The following RERE variants were observed in gnomAD, a reference collection of about 807,000 sequenced individuals.
RERE encodes arginine-glutamic acid dipeptide repeats protein.
RERE carries 40 observed loss-of-function variants against 146.1 expected under a neutral mutation model. That is an observed-to-expected ratio of 0.27 (90% CI 0.21 to 0.36). RERE has a LOEUF of 0.36. Among genes scored for constraint, RERE ranks in the 10% least tolerant of loss-of-function variants. The pLI is 1.00. For synonymous variants in RERE, 1,003 were observed against 866.0 expected (o/e 1.16, Z -2.78); for missense variants, 1,933 against 2,138.7 (o/e 0.90, Z 1.90).
chr1:8,607,534 CTTTTTTTTTTTTTT>C lies in RERE; in HGVS notation c.522+7013_522+7026del, dbSNP rs1167501074. Reference sequence around the variant, plus strand: ...CGCATATTTGTTTTTATATATATTTCTTTTTTTTTTTTTTTTTTTTTTTTTTTTTGAGACGGAGT... The same window carrying C: ...CGCATATTTGTTTTTATATATATTTCTTTTTTTTTTTTTTTGAGACGGAGT... On this transcript the variant is annotated intron_variant, in intron 4 of 22. Transcript: ENST00000400908. Among the ~76,000 whole-genome samples the C allele has an allele frequency of 2.3e-3, 111 of 48,588 alleles. 7 individuals are homozygous for C. The East Asian group carries it at 0.084, about 37-fold the overall frequency. 31.9% of individuals were successfully genotyped at this position (48,588 alleles called of 152,430 possible). A position where few individuals can be genotyped will look rare whatever the true frequency, so the allele number is the denominator to read the frequency against.
chr1:8,656,044 C>A lies in RERE; in HGVS notation c.254G>T (p.Arg85Leu), dbSNP rs756301012. 2 of 1,614,100 alleles carry A rather than the reference C, an allele frequency of 1.2e-6. No homozygotes were observed. Among genetic ancestry groups the A allele is most frequent in the Non-Finnish European group, 1.7e-6 (2 of 1,180,008 alleles). Reference sequence around the variant, plus strand: ...CTCACCGGTATCTGTCCTTTCATAACGAGACTTTTTTTTCGGTGGTTTCTT... The same window carrying A: ...CTCACCGGTATCTGTCCTTTCATAAAGAGACTTTTTTTTCGGTGGTTTCTT... ...NKKKPPKKKS[R>L]YERTDTGEIT... Residue 85 changes from arginine (R) to leucine (L), a missense_variant, in exon 2 of 23, where the codon CGT (arginine) becomes CTT (leucine). Around this residue, in one of 11 missense-constraint regions of RERE, gnomAD observed 107 missense variants for 119.7 expected, o/e 0.89. Transcript: ENST00000400908.
chr1:8,410,676 A>C (rs961081007), intron 12 of RERE, among the ~76,000 whole-genome samples: 13 of 152,220 alleles, frequency 8.5e-5, no homozygotes, highest in Admixed American at 5.9e-4. Context: ...AAGGCCTTTC[A>C]AACAAGTTTT....
chr1:8,359,933 T>C lies in RERE; in HGVS notation c.3449A>G (p.Tyr1150Cys). ...GYNSCARTDL[Y>C]FMPLAGSKLA... The stretch of plus-strand genomic sequence containing the variant: ...CTTGGACCCGGCCAGAGGCATGAAG[T>C]ACAGGTCTGTCCGGGCACACGAGTT... The change falls in exon 19 of 23, where the codon TAC becomes TGC. Residue 1150 changes from tyrosine to cysteine, a missense_variant. Physicochemically the swap from Tyr to Cys is radical, Grantham distance 194. Transcript: ENST00000400908. 6.2e-7 allele frequency: 1 copy of C among 1,613,324 alleles called. No homozygotes were observed. The highest frequency in any genetic ancestry group is 8.5e-7 in the Non-Finnish European group (1 of 1,180,004).
chr1:8,475,543 A>G (rs1210765595), intron 10 of RERE, among the ~76,000 whole-genome samples: 1 of 150,738 alleles, frequency 6.6e-6, no homozygotes, highest in Non-Finnish European at 1.5e-5. Context: ...TTAGCCGGGC[A>G]TGGTAGTGTG....
chr1:8,732,772 G>T (rs1314396759), intron 1 of RERE, among the ~76,000 whole-genome samples: 1 of 149,996 alleles, frequency 6.7e-6, no homozygotes, highest in Non-Finnish European at 1.5e-5. Context: ...GTGTGTGTGG[G>T]AACTACTTAT....
intron 12 of RERE, among the ~76,000 whole-genome samples, chr1:8,401,034 A>T (rs1643237156): frequency 3.8e-5 from 1 of 26,136 alleles, no homozygotes; most frequent in Non-Finnish European, 1.0e-4. Context: ...AAAAAAAAAA[A>T]AACCATATAT....
chr1:8,519,270 CA>C (rs1384834702), intron 7 of RERE, among the ~76,000 whole-genome samples: 1 of 151,932 alleles, frequency 6.6e-6, no homozygotes, highest in Non-Finnish European at 1.5e-5. Flanking sequence ...ACAAAAACAA[CA>C]AAAATTAAAA....
intron 1 of RERE, among the ~76,000 whole-genome samples, chr1:8,678,103 A>G (rs1173700882): frequency 2.0e-5 from 3 of 152,218 alleles, no homozygotes; most frequent in Non-Finnish European, 2.9e-5. Context: ...CTGCAGAAGC[A>G]TGGTCTCCTG....
chr1:8,801,068 G>A (rs931967741), intron 1 of RERE, among the ~76,000 whole-genome samples: 20 of 152,094 alleles, frequency 1.3e-4, no homozygotes, highest in Non-Finnish European at 4.4e-5. Flanking sequence ...AGACCAGCCT[G>A]AGCAACATGG....
chr1:8,390,569 CCAAA>C lies in RERE; in HGVS notation c.1285-24599_1285-24596del, dbSNP rs1022589809. On this transcript the variant is annotated intron_variant, in intron 12 of 22. Coordinates refer to ENST00000400908, the MANE Select transcript of RERE (RefSeq NM_001042681.2). ...TAATTTATCAGCCTCATTCAGAGAC[CCAAA>C]CAAATAGTGAAGACAGAGCCCCAGA... 7.9e-5 allele frequency among the ~76,000 whole-genome samples: 12 copies of C among 152,178 alleles called. 1 individual carries two copies. The highest frequency in any genetic ancestry group is 2.2e-4 in the African/African-American group (9 of 41,516).
intron 1 of RERE, among the ~76,000 whole-genome samples, chr1:8,730,093 A>G (rs922934190): frequency 6.6e-6 from 1 of 152,250 alleles, no homozygotes; most frequent in Non-Finnish European, 1.5e-5. Context: ...TATGAATAGA[A>G]CCAGATCCCA....
intron 12 of RERE, among the ~76,000 whole-genome samples, chr1:8,413,678 C>A (rs1226582966): frequency 6.6e-6 from 1 of 152,136 alleles, no homozygotes; most frequent in African/African-American, 2.4e-5. Flanking sequence ...CAAAACCCAA[C>A]TCTGCTGAGA....
chr1:8,538,975 G>T (rs1643423042), intron 7 of RERE, among the ~76,000 whole-genome samples: 1 of 152,162 alleles, frequency 6.6e-6, no homozygotes, highest in Admixed American at 6.5e-5. Context: ...GTTTACAAAG[G>T]TAAGTTACAT....
intron 22 of RERE, 85 bp from the exon 23 acceptor site, chr1:8,355,205 G>A (rs1641242406): frequency 7.0e-7 from 1 of 1,437,946 alleles, no homozygotes; most frequent in South Asian, 1.2e-5. Context: ...AAAGACAACA[G>A]CCAGGCAATC....
chr1:8,619,137 A>C (rs529706186), intron 3 of RERE, among the ~76,000 whole-genome samples: 1 of 152,226 alleles, frequency 6.6e-6, no homozygotes, highest in African/African-American at 2.4e-5. Flanking sequence ...CAAGGTAACT[A>C]GTAGTATGCA....
chr1:8,464,046 A>C (rs1223178692), intron 11 of RERE, among the ~76,000 whole-genome samples: 3 of 152,260 alleles, frequency 2.0e-5, no homozygotes, highest in Non-Finnish European at 4.4e-5. Context: ...ACAGTAAAAA[A>C]ACAGTATCAC....
intron 2 of RERE, among the ~76,000 whole-genome samples, chr1:8,635,247 C>T (rs895572994): frequency 1.3e-5 from 2 of 152,148 alleles, no homozygotes; most frequent in Non-Finnish European, 1.5e-5. Context: ...CATCCATCTC[C>T]TTATGATACA....
chr1:8,709,879 TA>T (rs1639632531), intron 1 of RERE, among the ~76,000 whole-genome samples: 1 of 152,230 alleles, frequency 6.6e-6, no homozygotes, highest in Admixed American at 6.5e-5. Context: ...CCAAAAGCTG[TA>T]CAACTTATAC....
chr1:8,787,137 C>T (rs1641272897), intron 1 of RERE, among the ~76,000 whole-genome samples: 1 of 152,190 alleles, frequency 6.6e-6, no homozygotes, highest in African/African-American at 2.4e-5. Flanking sequence ...GTATCACCTC[C>T]TACTGTTCTC....
Sources: allele counts gnomAD v4.1 joint callset (sites outside exome capture counted in the v4.1 genomes callset), GRCh38; gene constraint gnomAD v4.1.1; regional missense constraint gnomAD v4.1.1; transcripts MANE v1.5; gene names NCBI Gene and HGNC (gene_info 2026-07-23, HGNC 2026-07-21).